GPHN: variants seen among roughly 807,000 people sequenced by gnomAD.
GPHN encodes gephyrin.
GPHN carries 17 observed loss-of-function variants against 95.5 expected under a neutral mutation model. The observed-to-expected ratio is 0.18, with a 90% CI of 0.12 to 0.27. The LOEUF (loss-of-function observed/expected upper bound fraction) is 0.27. Ranked by LOEUF, GPHN falls within the 10% of genes least tolerant of loss-of-function variation. The pLI is 1.00. For synonymous variants in GPHN, 320 were observed against 322.5 expected (o/e 0.99, Z 0.08); for missense variants, 660 against 978.1 (o/e 0.67, Z 4.34).
At chr14:67,575,714 A>G in the GPHN span, 2 of 835,542 alleles carry the variant, frequency 2.4e-6, no homozygotes, top group Non-Finnish European at 3.8e-6. Context: ...CCATCCTGTC[A>G]TCGGTCCATA....
the GPHN span, among the ~76,000 whole-genome samples, chr14:67,269,454 T>C: frequency 6.6e-6 from 1 of 152,128 alleles, no homozygotes; most frequent in Admixed American, 6.5e-5. Context: ...CTGTTTCCAA[T>C]GTGTTATTGG....
intron 2 of GPHN, among the ~76,000 whole-genome samples, chr14:66,686,905 A>T (rs1468976380): frequency 6.6e-6 from 1 of 152,074 alleles, no homozygotes; most frequent in Non-Finnish European, 1.5e-5. Flanking sequence ...AATAGCTATT[A>T]TTGTTTTGAG....
chr14:67,430,769 T>C, the GPHN span, among the ~76,000 whole-genome samples: 5 of 152,084 alleles, frequency 3.3e-5, no homozygotes, highest in Admixed American at 6.5e-5. Context: ...TGCTCATCAG[T>C]AAGGGGCAGA....
chr14:67,132,393 T>G (rs755686838), intron 17 of GPHN, among the ~76,000 whole-genome samples: 6 of 152,192 alleles, frequency 3.9e-5, no homozygotes, highest in Non-Finnish European at 8.8e-5. Flanking sequence ...CTGCTCTCCT[T>G]ATGGCATGAA....
chr14:66,878,265 A>G (rs1596251766), intron 4 of GPHN, among the ~76,000 whole-genome samples: 1 of 152,192 alleles, frequency 6.6e-6, no homozygotes, highest in African/African-American at 2.4e-5. Flanking sequence ...CTAAAACTAT[A>G]AAAACCCTAG....
the GPHN span, among the ~76,000 whole-genome samples, chr14:67,667,672 C>T: frequency 3.9e-5 from 6 of 152,090 alleles, no homozygotes; most frequent in East Asian, 1.9e-4. Context: ...AGGCCAGGCG[C>T]GGTGGCTCAC....
the GPHN span, among the ~76,000 whole-genome samples, chr14:67,632,994 G>T: frequency 6.6e-6 from 1 of 151,094 alleles, no homozygotes; most frequent in East Asian, 1.9e-4. Context: ...CTAATTTTTC[G>T]TATTTTTAGT....
At chr14:67,203,135 C>T in the GPHN span, 7 of 1,613,824 alleles carry the variant, frequency 4.3e-6, no homozygotes, top group Non-Finnish European at 5.9e-6. Context: ...ATAACCGAGC[C>T]AACTGGGTGA....
chr14:66,814,874 G>A (rs886890611), intron 3 of GPHN, among the ~76,000 whole-genome samples: 1 of 152,154 alleles, frequency 6.6e-6, no homozygotes, highest in Non-Finnish European at 1.5e-5. Flanking sequence ...TTGAGCTACA[G>A]GAGTATGTTG....
chr14:66,870,790 A>T (rs1422716820), intron 4 of GPHN, among the ~76,000 whole-genome samples: 2 of 152,194 alleles, frequency 1.3e-5, no homozygotes, highest in Non-Finnish European at 2.9e-5. Flanking sequence ...AAAAGTATCC[A>T]TTCCTAGTTA....
the GPHN span, chr14:67,312,164 G>T: frequency 6.4e-6 from 1 of 155,314 alleles, no homozygotes; most frequent in Non-Finnish European, 1.4e-5. Context: ...GAACAGTGTT[G>T]TGGATATCCT....
intron 17 of GPHN, among the ~76,000 whole-genome samples, chr14:67,131,051 A>G (rs575970877): frequency 6.6e-6 from 1 of 152,234 alleles, no homozygotes; most frequent in African/African-American, 2.4e-5. Flanking sequence ...GTCCTCCTAG[A>G]CAGTGTGAGC....
chr14:67,412,166 A>G, the GPHN span: 2 of 941,418 alleles, frequency 2.1e-6, no homozygotes, highest in Non-Finnish European at 2.9e-6. Flanking sequence ...CCCAGGAAGC[A>G]GCTCCGACGC....
intron 2 of GPHN, among the ~76,000 whole-genome samples, chr14:66,765,767 AAAG>A (rs1025587445): frequency 6.6e-5 from 10 of 152,230 alleles, no homozygotes; most frequent in African/African-American, 2.4e-4. Context: ...CAGAAAAAAA[AAAG>A]AATGACTGAA....
chr14:66,641,540 T>A (rs2064411147), intron 1 of GPHN, among the ~76,000 whole-genome samples: 1 of 151,256 alleles, frequency 6.6e-6, no homozygotes, highest in Non-Finnish European at 1.5e-5. Context: ...ATAGTATATA[T>A]AAAGCAAAAA....
the GPHN span, chr14:67,579,288 C>A: frequency 6.4e-7 from 1 of 1,559,100 alleles, no homozygotes; most frequent in Non-Finnish European, 8.7e-7. Context: ...CATCCCCGTG[C>A]ACTTTACCAA....
At chr14:66,671,510 T>A (rs919619734) in intron 1 of GPHN, among the ~76,000 whole-genome samples, 1 of 152,244 alleles carries the variant, frequency 6.6e-6, no homozygotes, top group Non-Finnish European at 1.5e-5. Flanking sequence ...CAAACAATGT[T>A]TGCAGTTGTT....
the GPHN span, chr14:67,387,597 A>C: frequency 1.2e-6 from 1 of 852,944 alleles, no homozygotes; most frequent in African/African-American, 1.8e-5. Context: ...CAGTTAGAGA[A>C]TCCTATCAGA....
chr14:67,410,504 A>G, the GPHN span, among the ~76,000 whole-genome samples: 1 of 152,202 alleles, frequency 6.6e-6, no homozygotes, highest in South Asian at 2.1e-4. Flanking sequence ...GTTCAGCCAC[A>G]GTGGCAAGTG....
Sources: allele counts gnomAD v4.1 joint callset (sites outside exome capture counted in the v4.1 genomes callset), GRCh38; gene constraint gnomAD v4.1.1; transcripts MANE v1.5; gene names NCBI Gene and HGNC (gene_info 2026-07-23, HGNC 2026-07-21).